The following PRKD1 variants were observed in gnomAD, a reference collection of about 807,000 sequenced individuals.
The protein encoded by PRKD1 is serine/threonine-protein kinase D1.
In PRKD1, 63 loss-of-function variants were observed where a neutral mutation model predicts 95.9. The observed-to-expected ratio is 0.66, with a 90% confidence interval of 0.54 to 0.81. The LOEUF is 0.81. PRKD1 is among the 30% of genes least tolerant of loss of function. The pLI is 0.00. For missense variants in PRKD1, 1,048 were observed against 1,165.3 expected (o/e 0.90, Z 1.47); for synonymous variants, 425 against 423.1 (o/e 1.00, Z -0.05).
intron 1 of PRKD1, among the ~76,000 whole-genome samples, chr14:29,826,740 TATACAC>T: frequency 1.4e-5 from 1 of 71,296 alleles, no homozygotes; most frequent in Non-Finnish European, 2.6e-5. Flanking sequence ...TACACATATA[TATACAC>T]ATATATATAT....
chr14:29,639,223 CAG>C (rs1413484640), intron 4 of PRKD1, among the ~76,000 whole-genome samples: 1 of 152,092 alleles, frequency 6.6e-6, no homozygotes, highest in Non-Finnish European at 1.5e-5. Context: ...GTCAAATAAA[CAG>C]TGCAAATATT....
chr14:29,638,536 G>A lies in PRKD1; in HGVS notation c.938C>T (p.Ala313Val), dbSNP rs771614547. The A allele has an allele frequency of 1.4e-4, 221 of 1,614,064 alleles. No homozygotes were observed. The highest frequency in any genetic ancestry group is 1.7e-4 in the Non-Finnish European group (204 of 1,180,012). ...AAGGCAGTTGTTTGGTACTTTCGGTGCACAACGTTTATGGCAGTTGAATCT... is the reference window on the plus strand; with the variant it reads ...AAGGCAGTTGTTTGGTACTTTCGGTACACAACGTTTATGGCAGTTGAATCT... ...DCRFNCHKRC[A>V]PKVPNNCLGE... The change falls in exon 6 of 18, where the codon GCA becomes GTA. Residue 313 changes from alanine (A) to valine (V), a missense_variant. Coordinates refer to ENST00000331968, the MANE Select transcript of PRKD1 (RefSeq NM_002742.3).
At chr14:29,815,459 T>C (rs373128829) in intron 1 of PRKD1, among the ~76,000 whole-genome samples, 1 of 152,190 alleles carries the variant, frequency 6.6e-6, no homozygotes, top group African/African-American at 2.4e-5. Context: ...ATAAAATACA[T>C]GCCTTTGGCA....
intron 1 of PRKD1, among the ~76,000 whole-genome samples, chr14:29,751,670 T>C (rs899441860): frequency 1.1e-4 from 17 of 152,348 alleles, no homozygotes; most frequent in Middle Eastern, 6.8e-3. Context: ...GCATCTACGA[T>C]GGATTGAATA....
chr14:29,841,348 C>T (rs948604329), intron 1 of PRKD1, among the ~76,000 whole-genome samples: 3 of 151,938 alleles, frequency 2.0e-5, no homozygotes, highest in African/African-American at 4.8e-5. Context: ...TTGGATGGGC[C>T]GGGGCAGAAT....
At chr14:29,715,636 A>C (rs2139367971) in intron 2 of PRKD1, among the ~76,000 whole-genome samples, 1 of 152,324 alleles carries the variant, frequency 6.6e-6, no homozygotes, top group East Asian at 1.9e-4. Context: ...CCAATTCAGC[A>C]GAAAACCAAA....
chr14:29,681,811 A>T (rs1883555696), intron 2 of PRKD1, among the ~76,000 whole-genome samples: 1 of 152,228 alleles, frequency 6.6e-6, no homozygotes, highest in African/African-American at 2.4e-5. Flanking sequence ...CATGGATCAT[A>T]GCTTTAATTC....
intron 1 of PRKD1, among the ~76,000 whole-genome samples, chr14:29,824,079 T>A (rs45482697): frequency 1.5e-3 from 235 of 152,246 alleles, no homozygotes; most frequent in African/African-American, 5.5e-3. Flanking sequence ...CATTTTTAAA[T>A]CAGGTTGTGT....
chr14:29,901,396 TA>T (rs1386191970), intron 1 of PRKD1, among the ~76,000 whole-genome samples: 1 of 152,190 alleles, frequency 6.6e-6, no homozygotes, highest in Non-Finnish European at 1.5e-5. Flanking sequence ...CTATGCTCAC[TA>T]CCTGGGTGAT....
intron 2 of PRKD1, among the ~76,000 whole-genome samples, chr14:29,706,136 C>T (rs1282307765): frequency 6.6e-6 from 1 of 152,050 alleles, no homozygotes; most frequent in Non-Finnish European, 1.5e-5. Flanking sequence ...TTATAGCCAT[C>T]CTACTGGATG....
chr14:29,867,876 T>A (rs1229784505), intron 1 of PRKD1, among the ~76,000 whole-genome samples: 1 of 152,250 alleles, frequency 6.6e-6, no homozygotes, highest in African/African-American at 2.4e-5. Flanking sequence ...ATACTTAGTC[T>A]GTGTTTTAAA....
At chr14:29,583,109 T>G (rs1429239320) in intron 16 of PRKD1, among the ~76,000 whole-genome samples, 1 of 152,162 alleles carries the variant, frequency 6.6e-6, no homozygotes. Context: ...CTCAGAAATC[T>G]GGAGCCCTGT....
At chr14:29,679,195 G>T (rs1443101471) in intron 2 of PRKD1, among the ~76,000 whole-genome samples, 2 of 152,190 alleles carry the variant, frequency 1.3e-5, no homozygotes, top group Non-Finnish European at 2.9e-5. Context: ...GCAAAGAATA[G>T]ATTAAACATG....
chr14:29,586,434 T>G (rs1471685443), intron 16 of PRKD1, among the ~76,000 whole-genome samples: 2 of 152,202 alleles, frequency 1.3e-5, no homozygotes, highest in Non-Finnish European at 2.9e-5. Flanking sequence ...GGTCCTTCTC[T>G]CTCAACCTCC....
intron 13 of PRKD1, among the ~76,000 whole-genome samples, chr14:29,606,831 A>G (rs1878010799): frequency 6.6e-6 from 1 of 152,062 alleles, no homozygotes; most frequent in Admixed American, 6.6e-5. Flanking sequence ...TTATTTTTTT[A>G]TTTAACCCAG....
chr14:29,680,754 T>C lies in PRKD1; in HGVS notation c.404-14546A>G, dbSNP rs566644946. Among the ~76,000 whole-genome samples, 3 of 152,258 alleles carry C rather than the reference T, an allele frequency of 2.0e-5. No individual in the cohort carries two copies. The South Asian group carries it at 6.2e-4, about 32-fold the overall frequency. ...TGAAGACTAGGGGTTCAAGAAACAA[T>C]TTCTAAAAACTGCCTGTTGATGAAA... is the stretch of plus-strand genomic sequence containing the variant. On this transcript the variant is annotated intron_variant, in intron 2 of 17. Transcript: ENST00000331968.
rs74738213 is a variant in PRKD1, at chr14:29,603,973, G to C, written c.1906-4156C>G. ...TCACGGGGTGAATATAAGTTGTTTC[G>C]ATGCCTGGGAGGAAATATCGTTTGT... is the stretch of plus-strand genomic sequence containing the variant. On this transcript the variant is annotated intron_variant, in intron 13 of 17. Coordinates refer to ENST00000331968, the MANE Select transcript of PRKD1 (RefSeq NM_002742.3). 6.0e-3 allele frequency among the ~76,000 whole-genome samples: 914 copies of C among 152,236 alleles called. 7 individuals carry two copies. Among genetic ancestry groups the C allele is most frequent in the African/African-American group, 0.02 (827 of 41,548 alleles).
chr14:29,736,418 G>A (rs1162031436), intron 1 of PRKD1, among the ~76,000 whole-genome samples: 2 of 152,278 alleles, frequency 1.3e-5, no homozygotes, highest in East Asian at 1.9e-4. Context: ...GATATTGGGG[G>A]AACACACTCA....
chr14:29,787,701 A>C (rs1328114168), intron 1 of PRKD1, among the ~76,000 whole-genome samples: 1 of 151,930 alleles, frequency 6.6e-6, no homozygotes, highest in East Asian at 1.9e-4. Flanking sequence ...CCATGCCTTC[A>C]CTTTCATTTT....
Sources: gnomAD v4.1 joint callset for allele counts (sites outside exome capture counted in the v4.1 genomes callset) on GRCh38, gnomAD v4.1.1 for gene constraint, MANE v1.5 for transcripts, NCBI Gene and HGNC (gene_info 2026-07-23, HGNC 2026-07-21) for gene names.